The following SSBP2 variants were observed in gnomAD, a reference collection of about 807,000 sequenced individuals.
SSBP2 encodes the protein single stranded DNA binding protein 2, also known as single-stranded DNA-binding protein 2.
SSBP2 carries 17 observed loss-of-function variants against 61.8 expected under a neutral mutation model. The ratio of observed to expected loss-of-function variants is 0.28; its 90% confidence interval spans 0.19 to 0.41. The LOEUF is 0.41. SSBP2 is among the 10% of genes least tolerant of loss of function. The pLI is 1.00. For missense variants in SSBP2, 310 were observed against 458.7 expected (o/e 0.68, Z 2.96); for synonymous variants, 139 against 141.3 (o/e 0.98, Z 0.12).
intron 2 of SSBP2, among the ~76,000 whole-genome samples, chr5:81,641,703 T>C (rs1465839323): frequency 6.6e-6 from 1 of 152,190 alleles, no homozygotes; most frequent in Non-Finnish European, 1.5e-5. Flanking sequence ...ACATTCACTG[T>C]AGTATTGTTA....
intron 4 of SSBP2, among the ~76,000 whole-genome samples, chr5:81,599,470 G>A (rs1036559892): frequency 6.6e-6 from 1 of 152,188 alleles, no homozygotes; most frequent in African/African-American, 2.4e-5. Flanking sequence ...AGAATTCCTT[G>A]CAGCAATTTG....
At chr5:81,655,000 A>T (rs1321088807) in intron 1 of SSBP2, among the ~76,000 whole-genome samples, 2 of 151,792 alleles carry the variant, frequency 1.3e-5, no homozygotes, top group Non-Finnish European at 2.9e-5. Context: ...TATATATTTT[A>T]AAAATTAGCC....
At chr5:81,473,820 C>T (rs1445380788) in intron 7 of SSBP2, 50 bp from the exon 8 acceptor site, 1 of 1,539,468 alleles carries the variant, frequency 6.5e-7, no homozygotes, top group East Asian at 2.2e-5. Context: ...GAGTACTAAA[C>T]CAGAGGCTAG....
chr5:81,440,624 G>C lies in SSBP2; in HGVS notation c.862C>G (p.Pro288Ala), dbSNP rs1381220520. ...CCACCCATGGGACCATCTGACCCAGGACCCATTGGAAACTATTTTAAAAAT... is the reference window on the plus strand; with the variant it reads ...CCACCCATGGGACCATCTGACCCAGCACCCATTGGAAACTATTTTAAAAAT... Residue 288 changes from proline (P) to alanine (A), a missense_variant, in exon 14 of 17, where the codon CCT becomes GCT. Around this residue, in one of 4 missense-constraint regions of SSBP2, gnomAD observed 209 missense variants for 286.4 expected, o/e 0.73. Transcript: ENST00000320672. 1.2e-6 allele frequency: 2 copies of C among 1,602,806 alleles called. No homozygotes were observed. The highest frequency in any genetic ancestry group is 1.7e-6 in the Non-Finnish European group (2 of 1,176,702).
At chr5:81,639,255 T>C (rs976910587) in intron 2 of SSBP2, among the ~76,000 whole-genome samples, 2 of 152,228 alleles carry the variant, frequency 1.3e-5, no homozygotes, top group African/African-American at 2.4e-5. Context: ...ATTAACTTTC[T>C]AATTGTTTAC....
At chr5:81,507,885 T>C (rs1768302395) in intron 5 of SSBP2, among the ~76,000 whole-genome samples, 1 of 152,158 alleles carries the variant, frequency 6.6e-6, no homozygotes, top group South Asian at 2.1e-4. Context: ...ATTAGTACTT[T>C]TGTGTTATTT....
At chr5:81,627,845 C>T (rs1156727390) in intron 3 of SSBP2, among the ~76,000 whole-genome samples, 4 of 151,932 alleles carry the variant, frequency 2.6e-5, no homozygotes, top group African/African-American at 9.7e-5. Context: ...GAGTGAGTCT[C>T]GATCCCAGGA....
chr5:81,482,934 T>C (rs1766103250), intron 6 of SSBP2, among the ~76,000 whole-genome samples: 1 of 152,192 alleles, frequency 6.6e-6, no homozygotes, highest in South Asian at 2.1e-4. Flanking sequence ...GTGCGACTCT[T>C]CTTTTCACTT....
At chr5:81,655,570 C>T (rs956637090) in intron 1 of SSBP2, among the ~76,000 whole-genome samples, 3 of 152,090 alleles carry the variant, frequency 2.0e-5, no homozygotes, top group East Asian at 1.9e-4. Flanking sequence ...AGCCAAAGCC[C>T]GAAATGCAAA....
At chr5:81,736,423 G>A (rs1463563738) in intron 1 of SSBP2, among the ~76,000 whole-genome samples, 4 of 152,100 alleles carry the variant, frequency 2.6e-5, no homozygotes, top group African/African-American at 9.7e-5. Flanking sequence ...TTTGAGGGAG[G>A]TATTTATTGG....
In SSBP2 at chr5:81,736,358, G is replaced by C. The variant is rs552624700; in HGVS notation, c.62+14623C>G. The stretch of plus-strand genomic sequence containing the variant: ...GGCACAGAGCAGGATGCTGAAAAAA[G>C]TAGTTAATGAATAAATGAATAATAA... On this transcript the variant is annotated intron_variant, in intron 1 of 16. Coordinates refer to ENST00000320672, the MANE Select transcript of SSBP2 (RefSeq NM_012446.5). Among the ~76,000 whole-genome samples the C allele has an allele frequency of 1.4e-4, 21 of 152,222 alleles. No individual in the cohort carries two copies. The East Asian group carries it at 4.1e-3, about 29-fold the overall frequency.
At chr5:81,486,891 GTTCTCC>G (rs1293509474) in intron 6 of SSBP2, among the ~76,000 whole-genome samples, 7 of 152,190 alleles carry the variant, frequency 4.6e-5, no homozygotes, top group African/African-American at 1.7e-4. Flanking sequence ...CCTACTCAAA[GTTCTCC>G]CCTGGGGGTG....
At chr5:81,728,056 A>G (rs1405106363) in intron 1 of SSBP2, among the ~76,000 whole-genome samples, 1 of 152,198 alleles carries the variant, frequency 6.6e-6, no homozygotes, top group Non-Finnish European at 1.5e-5. Flanking sequence ...ATGGGGGATC[A>G]GGAATAAAAG....
At chr5:81,465,056 G>A (rs1252403702) in intron 9 of SSBP2, among the ~76,000 whole-genome samples, 2 of 151,786 alleles carry the variant, frequency 1.3e-5, no homozygotes, top group East Asian at 1.9e-4. Context: ...TTCCCTATTA[G>A]AGGAAAATAT....
intron 5 of SSBP2, among the ~76,000 whole-genome samples, chr5:81,511,445 T>C (rs1768599936): frequency 6.6e-6 from 1 of 152,222 alleles, no homozygotes; most frequent in Admixed American, 6.5e-5. Context: ...CTCAGGTTCT[T>C]AACATGTGCC....
At chr5:81,701,472 C>T (rs1310270783) in intron 1 of SSBP2, among the ~76,000 whole-genome samples, 2 of 152,156 alleles carry the variant, frequency 1.3e-5, no homozygotes, top group African/African-American at 4.8e-5. Flanking sequence ...TACCAACAGA[C>T]TTGCTCTATG....
chr5:81,746,525 G>A (rs1009935387), intron 1 of SSBP2, among the ~76,000 whole-genome samples: 1 of 152,058 alleles, frequency 6.6e-6, no homozygotes, highest in South Asian at 2.1e-4. Flanking sequence ...CTTAATGATG[G>A]GGGAATGCTT....
At chr5:81,550,440 T>C (rs1348713783) in intron 4 of SSBP2, among the ~76,000 whole-genome samples, 1 of 152,186 alleles carries the variant, frequency 6.6e-6, no homozygotes, top group African/African-American at 2.4e-5. Context: ...CATATTAAAA[T>C]ACTCATTTTT....
chr5:81,489,439 T>C, intron 5 of SSBP2, 130 bp from the exon 6 acceptor site: 1 of 703,178 alleles, frequency 1.4e-6, no homozygotes. Context: ...GAGGCTGCTT[T>C]CAGCATAATA....
Sources: allele counts gnomAD v4.1 joint callset (sites outside exome capture counted in the v4.1 genomes callset), GRCh38; gene constraint gnomAD v4.1.1; regional missense constraint gnomAD v4.1.1; transcripts MANE v1.5; gene names NCBI Gene and HGNC (gene_info 2026-07-23, HGNC 2026-07-21).